SLIT3: variants seen among roughly 807,000 people sequenced by gnomAD.
The protein encoded by SLIT3 is slit guidance ligand 3.
Under a neutral mutation model 184.0 loss-of-function variants are expected in SLIT3, and 68 were observed. The observed-to-expected ratio is 0.37, with a 90% CI of 0.30 to 0.45. The LOEUF (loss-of-function observed/expected upper bound fraction) is 0.45, where lower values mean the gene tolerates loss of function less well. Ranked by LOEUF, SLIT3 falls within the 20% of genes least tolerant of loss-of-function variation. The probability of loss-of-function intolerance (pLI) is 1.00; values close to 1 mark genes in which losing one functional copy is unlikely to be tolerated. For synonymous variants in SLIT3, 831 were observed against 828.6 expected, an observed-to-expected ratio of 1.00 and a Z score of -0.05; for missense variants, 1,707 against 2,026.0, an observed-to-expected ratio of 0.84 and a Z score of 3.02.
At chr5:169,107,578 CG>C (rs1370617756) in intron 4 of SLIT3, among the ~76,000 whole-genome samples, 1 of 152,168 alleles carries the variant, frequency 6.6e-6, no homozygotes, top group Non-Finnish European at 1.5e-5. Flanking sequence ...GGAGGCATGG[CG>C]GGGCTTTTTA....
intron 4 of SLIT3, among the ~76,000 whole-genome samples, chr5:168,989,328 A>C (rs1192304914): frequency 2.6e-5 from 4 of 152,212 alleles, no homozygotes; most frequent in African/African-American, 9.6e-5. Context: ...CACCTATGAG[A>C]GGAAGGAACC....
chr5:169,259,193 G>T (rs111959902), intron 1 of SLIT3, among the ~76,000 whole-genome samples: 5 of 152,116 alleles, frequency 3.3e-5, no homozygotes, highest in African/African-American at 9.7e-5. Flanking sequence ...CCGAGTAGCT[G>T]GGATTACAGG....
chr5:168,862,962 G>A (rs1759164939), intron 5 of SLIT3, among the ~76,000 whole-genome samples: 2 of 152,146 alleles, frequency 1.3e-5, no homozygotes, highest in Non-Finnish European at 1.5e-5. Flanking sequence ...GGCATGAGCC[G>A]CTGCGCCCAG....
intron 4 of SLIT3, among the ~76,000 whole-genome samples, chr5:168,909,738 C>T (rs532249686): frequency 6.6e-6 from 1 of 152,264 alleles, no homozygotes; most frequent in South Asian, 2.1e-4. Flanking sequence ...TTCCTCTCCG[C>T]TAGTCTCCAA....
intron 4 of SLIT3, among the ~76,000 whole-genome samples, chr5:169,141,025 C>T (rs1038727227): frequency 2.6e-5 from 4 of 152,142 alleles, no homozygotes; most frequent in African/African-American, 4.8e-5. Flanking sequence ...TTTCACAATG[C>T]GATAAACTCA....
intron 4 of SLIT3, among the ~76,000 whole-genome samples, chr5:168,983,977 G>T (rs1755038017): frequency 6.6e-6 from 1 of 152,144 alleles, no homozygotes; most frequent in Non-Finnish European, 1.5e-5. Context: ...TTGAGCCCAG[G>T]AGGTTGAGGC....
chr5:169,190,531 A>G (rs12658937), intron 4 of SLIT3, among the ~76,000 whole-genome samples: 4,854 of 152,340 alleles, frequency 0.032, 394 homozygotes, highest in East Asian at 0.3. Flanking sequence ...CATAGGTTCT[A>G]ATAAATATTA....
intron 4 of SLIT3, among the ~76,000 whole-genome samples, chr5:168,904,378 T>C (rs1760973835): frequency 6.6e-6 from 1 of 152,098 alleles, no homozygotes; most frequent in Admixed American, 6.5e-5. Flanking sequence ...TAATCAGTCT[T>C]TTGGTATTCA....
At chr5:169,104,424 T>C (rs975519418) in intron 4 of SLIT3, among the ~76,000 whole-genome samples, 4 of 152,244 alleles carry the variant, frequency 2.6e-5, no homozygotes, top group Non-Finnish European at 5.9e-5. Flanking sequence ...CATCTTTGCA[T>C]AGGGTAATTC....
intron 6 of SLIT3, among the ~76,000 whole-genome samples, chr5:168,839,943 G>A (rs1758185923): frequency 6.6e-6 from 1 of 152,328 alleles, no homozygotes; most frequent in South Asian, 2.1e-4. Context: ...ACCAGGCGAG[G>A]TGCTCAGGGT....
intron 6 of SLIT3, among the ~76,000 whole-genome samples, chr5:168,837,782 T>A (rs952098613): frequency 7.9e-5 from 12 of 152,240 alleles, no homozygotes; most frequent in Non-Finnish European, 1.6e-4. Flanking sequence ...TGCTATTTGC[T>A]AGGCACACAC....
intron 29 of SLIT3, among the ~76,000 whole-genome samples, chr5:168,687,539 T>G (rs534134679): frequency 6.6e-6 from 1 of 152,330 alleles, no homozygotes; most frequent in South Asian, 2.1e-4. Context: ...CAGAGAGCAC[T>G]GCAGGCACTT....
At chr5:168,875,391 G>T (rs1348681194) in intron 5 of SLIT3, among the ~76,000 whole-genome samples, 1 of 152,120 alleles carries the variant, frequency 6.6e-6, no homozygotes, top group Non-Finnish European at 1.5e-5. Flanking sequence ...CAGCACTTTG[G>T]GAGGCTAAGG....
intron 4 of SLIT3, among the ~76,000 whole-genome samples, chr5:169,094,760 C>T (rs1235013135): frequency 6.6e-6 from 1 of 152,250 alleles, no homozygotes; most frequent in African/African-American, 2.4e-5. Flanking sequence ...AGTTTGCTAA[C>T]TGTGGCCCTA....
At chr5:169,090,336 T>G (rs1454518772) in intron 4 of SLIT3, among the ~76,000 whole-genome samples, 2 of 152,178 alleles carry the variant, frequency 1.3e-5, no homozygotes, top group African/African-American at 4.8e-5. Context: ...CAGTCTCTCA[T>G]GAATGACTCT....
intron 4 of SLIT3, among the ~76,000 whole-genome samples, chr5:169,176,865 A>G (rs565827264): frequency 2.0e-5 from 3 of 152,328 alleles, no homozygotes; most frequent in South Asian, 2.1e-4. Flanking sequence ...GAAGAAAACT[A>G]GAGGGCCAAC....
At chr5:168,998,027 C>G (rs1448166850) in intron 4 of SLIT3, among the ~76,000 whole-genome samples, 1 of 152,086 alleles carries the variant, frequency 6.6e-6, no homozygotes, top group Admixed American at 6.5e-5. Flanking sequence ...CCCTCTCTCT[C>G]CTCTGTTCAT....
intron 4 of SLIT3, among the ~76,000 whole-genome samples, chr5:169,082,956 T>G (rs538330402): frequency 6.6e-6 from 1 of 152,342 alleles, no homozygotes; most frequent in South Asian, 2.1e-4. Context: ...AACTTATGCA[T>G]CTTTCTTAGA....
At position 168,712,327 on chromosome 5, in the gene SLIT3, G is replaced by A. The variant is rs74996366; in HGVS notation, c.2511C>T (p.Ser837=). 126 of 1,614,152 alleles carry A rather than the reference G, an allele frequency of 7.8e-5. No individual in the cohort carries two copies. The East Asian group carries it at 2.5e-3, about 32-fold the overall frequency. Residue 837 remains serine, a synonymous_variant, in exon 24 of 36, where the codon AGC becomes AGT. Transcript: ENST00000519560. Reference sequence around the variant, plus strand: ...GGTCGTTGAAGGAGCCTTCAGGAACGCTGGAAATGTCATTGCCATGGAGGG... The same window carrying A: ...GGTCGTTGAAGGAGCCTTCAGGAACACTGGAAATGTCATTGCCATGGAGGG... ...VLTLHGNDIS[S]VPEGSFNDLT... is the part of the protein sequence containing the mutation.
Sources: gnomAD v4.1 joint callset for allele counts (sites outside exome capture counted in the v4.1 genomes callset) on GRCh38, gnomAD v4.1.1 for gene constraint, MANE v1.5 for transcripts, NCBI Gene and HGNC (gene_info 2026-07-23, HGNC 2026-07-21) for gene names.